The following AJM1 variants were observed in gnomAD, a reference collection of about 807,000 sequenced individuals.
The protein encoded by AJM1 is apical junction component 1 homolog.
AJM1 carries 22 observed loss-of-function variants against 43.0 expected under a neutral mutation model. The observed-to-expected ratio is 0.51, with a 90% confidence interval of 0.37 to 0.73. The LOEUF (loss-of-function observed/expected upper bound fraction) is 0.73, where lower values mean the gene tolerates loss of function less well. AJM1 is among the 30% of genes least tolerant of loss of function. The pLI is 0.00. For missense variants in AJM1, 1,305 were observed against 1,343.3 expected, an observed-to-expected ratio of 0.97 and a Z score of 0.45; for synonymous variants, 719 against 638.3, an observed-to-expected ratio of 1.13 and a Z score of -1.91.
At position 136,846,790 on chromosome 9, in the gene AJM1, G is replaced by A; in HGVS notation, c.2376G>A (p.Leu792=). 1.3e-6 allele frequency: 2 copies of A among 1,594,272 alleles called. No homozygotes were observed. The highest frequency in any genetic ancestry group is 1.7e-6 in the Non-Finnish European group (2 of 1,176,140). The change falls in exon 3 of 3, where the codon CTG becomes CTA. Residue 792 remains leucine, a synonymous_variant. Transcript: ENST00000436881. Reference sequence around the variant, plus strand: ...AGCTGGCCACACACGCGGCGCCCCTGGGCAGCTACGCGCGCGAGCTGGCGG... The same window carrying A: ...AGCTGGCCACACACGCGGCGCCCCTAGGCAGCTACGCGCGCGAGCTGGCGG... The part of the protein sequence containing the change: ...LRELATHAAP[L]GSYARELAAA...
intron 1 of AJM1, among the ~76,000 whole-genome samples, chr9:136,843,024 G>A (rs1415065885): frequency 4.9e-5 from 7 of 141,896 alleles, no homozygotes; most frequent in Admixed American, 2.8e-4. Context: ...GTGGGCGGGG[G>A]AGGCTGGGAT....
At position 136,845,618 on chromosome 9, in the gene AJM1, G is replaced by A; in HGVS notation, c.1204G>A (p.Ala402Thr). 6.3e-7 allele frequency: 1 copy of A among 1,578,968 alleles called. No homozygotes were observed. The highest frequency in any genetic ancestry group is 1.3e-5 in the African/African-American group (1 of 74,532). Residue 402 changes from alanine (A) to threonine (T), a missense_variant, in exon 3 of 3, where the codon GCG becomes ACG. Transcript: ENST00000436881. The stretch of plus-strand genomic sequence containing the variant: ...GCACCCGCGCAGCAGCCCGGCCTGG[G>A]CGGACTGGGGCCCGCGACCGTACCG... The part of the protein sequence containing the change: ...YPHPRSSPAW[A>T]DWGPRPYRTL...
Position 136,846,562 on chromosome 9 carries a change from C to A in AJM1, c.2148C>A (p.Gly716=), listed in dbSNP as rs780640453. The change falls in exon 3 of 3, where the codon GGC becomes GGA. Residue 716 remains glycine, a synonymous_variant. Coordinates refer to ENST00000436881, the MANE Select transcript of AJM1 (RefSeq NM_001080482.5). Reference sequence around the variant, plus strand: ...CGCGCTGCGTGTACGGCCGCGTGGGCAGCGTGTGCCGCCACGTACTGCAGT... The same window carrying A: ...CGCGCTGCGTGTACGGCCGCGTGGGAAGCGTGTGCCGCCACGTACTGCAGT... ...HKARCVYGRV[G]SVCRHVLQFC... The A allele has an allele frequency of 6.3e-7, 1 of 1,593,120 alleles. No individual in the cohort carries two copies. The highest frequency in any genetic ancestry group is 1.1e-5 in the South Asian group (1 of 90,764).
rs1185449127 is a variant in AJM1 at position 136,845,188 on chromosome 9, G to C, written c.774G>C (p.Leu258=). The change falls in exon 3 of 3, where the codon CTG becomes CTC. Residue 258 remains leucine (L), a synonymous_variant. Transcript: ENST00000436881. ...GGGCGTTCTACTGCGACGGGCCCCTGCCTGGGCCCCGGGACTACGCCGAGC... is the reference window on the plus strand; with the variant it reads ...GGGCGTTCTACTGCGACGGGCCCCTCCCTGGGCCCCGGGACTACGCCGAGC... The part of the protein sequence containing the change: ...DPRAFYCDGP[L]PGPRDYAERR... The C allele has an allele frequency of 1.6e-5, 25 of 1,588,426 alleles. No homozygotes were observed. In the South Asian group the frequency reaches 2.5e-4, roughly 16 times the overall value.
intron 1 of AJM1, among the ~76,000 whole-genome samples, chr9:136,843,869 G>T (rs1182813540): frequency 2.0e-5 from 3 of 152,186 alleles, no homozygotes; most frequent in Non-Finnish European, 4.4e-5. Context: ...TGCAGTGGGC[G>T]CTGTGACGGG....
At position 136,847,135 on chromosome 9, in the gene AJM1, G is replaced by A. The variant is rs1564379295; in HGVS notation, c.2721G>A (p.Arg907=). The A allele has an allele frequency of 6.3e-7, 1 of 1,594,896 alleles. No individual in the cohort carries two copies. The highest frequency in any genetic ancestry group is 8.5e-7 in the Non-Finnish European group (1 of 1,177,012). Residue 907 remains arginine (R), a synonymous_variant, in exon 3 of 3, where the codon CGG becomes CGA. Coordinates refer to ENST00000436881, the MANE Select transcript of AJM1 (RefSeq NM_001080482.5). ...VAFIHIQREL[R]LRGVFLRHEF... is the part of the protein sequence containing the mutation. Reference sequence around the variant, plus strand: ...TCATCCACATCCAGCGCGAGCTGCGGCTGCGCGGCGTCTTCCTGCGCCACG... The same window carrying A: ...TCATCCACATCCAGCGCGAGCTGCGACTGCGCGGCGTCTTCCTGCGCCACG...
rs1848800106 is a variant in AJM1, at chr9:136,847,673, C to A, written c.*328C>A. 6.3e-6 allele frequency: 2 copies of A among 317,342 alleles called. No individual in the cohort carries two copies. Among genetic ancestry groups the A allele is most frequent in the Non-Finnish European group, 1.2e-5 (2 of 172,934 alleles). 19.7% of individuals were successfully genotyped at this position (317,342 alleles called of 1,614,324 possible). A position where few individuals can be genotyped will look rare whatever the true frequency, so the allele number is the denominator to read the frequency against. On this transcript the variant is annotated 3_prime_UTR_variant, in exon 3 of 3. Coordinates refer to ENST00000436881, the MANE Select transcript of AJM1 (RefSeq NM_001080482.5). Reference sequence around the variant, plus strand: ...AGGATCCCCAGAAGAAGTCGGTCCTCGCCCTCGGTGCTCCCCGCTGGGAGG... The same window carrying A: ...AGGATCCCCAGAAGAAGTCGGTCCTAGCCCTCGGTGCTCCCCGCTGGGAGG...
rs745351620 is a variant in AJM1 at position 136,846,683 on chromosome 9, C to T, written c.2269C>T (p.Pro757Ser). 7 of 1,603,448 alleles carry T rather than the reference C, an allele frequency of 4.4e-6. No individual in the cohort carries two copies. In the African/African-American group the frequency reaches 9.4e-5, roughly 21 times the overall value. ...RGRGVLFLGF[P>S]SPGSADNFLR... ...CCGCGGCGTGCTCTTCCTGGGCTTC[C>T]CAAGTCCAGGCTCGGCCGACAACTT... is the stretch of plus-strand genomic sequence containing the variant. The change falls in exon 3 of 3, where the codon CCA (proline) becomes TCA (serine). Residue 757 changes from proline (P) to serine (S), a missense_variant. Physicochemically the swap from Pro to Ser is moderately conservative, Grantham distance 74 (BLOSUM62 -1). Coordinates refer to ENST00000436881, the MANE Select transcript of AJM1 (RefSeq NM_001080482.5).
rs538644670 is a variant in AJM1 at position 136,846,418 on chromosome 9, G to A, written c.2004G>A (p.Ala668=). ...ACGACCTGATGACCTGCTCCAATGC[G>A]CGCTGCCGGCGCACCGAGACCATGT... ...DEDDLMTCSN[A]RCRRTETMFN... Residue 668 remains alanine (A), a synonymous_variant, in exon 3 of 3, where the codon GCG becomes GCA. Transcript: ENST00000436881. The A allele has an allele frequency of 2.3e-5, 36 of 1,590,394 alleles. No homozygotes were observed. In the East Asian group the frequency reaches 6.8e-4, roughly 30 times the overall value.
Position 136,845,163 on chromosome 9 carries a change from G to A in AJM1, c.749G>A (p.Arg250Gln), listed in dbSNP as rs1463280967. The A allele has an allele frequency of 3.8e-6, 6 of 1,586,254 alleles. No individual in the cohort carries two copies. The highest frequency in any genetic ancestry group is 2.3e-5 in the East Asian group (1 of 44,306). Residue 250 changes from arginine (R) to glutamine (Q), a missense_variant, in exon 3 of 3, where the codon CGG becomes CAG. Arg to Gln is a conservative substitution (Grantham distance 43, BLOSUM62 1). Around this residue, in one of 6 missense-constraint regions of AJM1, gnomAD observed 653 missense variants for 549.1 expected, o/e 1.19. Coordinates refer to ENST00000436881, the MANE Select transcript of AJM1 (RefSeq NM_001080482.5). ...AGCGACTCATACTGTGCGGATCCCC[G>A]GGCGTTCTACTGCGACGGGCCCCTG... ...TPSDSYCADP[R>Q]AFYCDGPLPG...
Position 136,845,983 on chromosome 9 carries a change from G to T in AJM1, c.1569G>T (p.Leu523=). ...LTEKGRAGEG[L]GRNWYVTPEI... is the part of the protein sequence containing the mutation. Reference sequence around the variant, plus strand: ...AGAAGGGCCGCGCGGGCGAGGGCCTGGGCCGCAACTGGTACGTGACGCCCG... The same window carrying T: ...AGAAGGGCCGCGCGGGCGAGGGCCTTGGCCGCAACTGGTACGTGACGCCCG... Residue 523 remains leucine (L), a synonymous_variant, in exon 3 of 3, where the codon CTG becomes CTT. Transcript: ENST00000436881. 1 of 1,553,556 alleles carries T rather than the reference G, an allele frequency of 6.4e-7. No individual in the cohort carries two copies. The highest frequency in any genetic ancestry group is 1.9e-5 in the Admixed American group (1 of 51,678).
In AJM1 at chr9:136,846,598, C is replaced by T. The variant is rs768279358; in HGVS notation, c.2184C>T (p.Asp728=). 2 of 1,591,836 alleles carry T rather than the reference C, an allele frequency of 1.3e-6. No homozygotes were observed. The highest frequency in any genetic ancestry group is 1.3e-5 in the African/African-American group (1 of 74,720). ...GCCACGTACTGCAGTTTTGCCGCGA[C>T]AGCGGCCCGGTGCACCGCGCTTTCT... is the stretch of plus-strand genomic sequence containing the variant. ...VCRHVLQFCR[D]SGPVHRAFSR... Residue 728 remains aspartate, a synonymous_variant, in exon 3 of 3, where the codon GAC becomes GAT. Transcript: ENST00000436881.
At position 136,845,946 on chromosome 9, in the gene AJM1, C is replaced by T. The variant is rs1359390927; in HGVS notation, c.1532C>T (p.Thr511Met). 1.9e-6 allele frequency: 3 copies of T among 1,553,766 alleles called. No individual in the cohort carries two copies. In the Middle Eastern group the frequency reaches 5.8e-4, roughly 302 times the overall value. The change falls in exon 3 of 3, where the codon ACG becomes ATG. Residue 511 changes from threonine (T) to methionine (M), a missense_variant. Coordinates refer to ENST00000436881, the MANE Select transcript of AJM1 (RefSeq NM_001080482.5). ...RRYAALSLSETSLTEKGRAGE... is the reference protein window; with the variant it reads ...RRYAALSLSEMSLTEKGRAGE... Reference sequence around the variant, plus strand: ...TACGCCGCACTGTCCCTGTCCGAGACGTCGCTGACGGAGAAGGGCCGCGCG... The same window carrying T: ...TACGCCGCACTGTCCCTGTCCGAGATGTCGCTGACGGAGAAGGGCCGCGCG...
rs1564379553 is a variant in AJM1, at chr9:136,847,335, A to T, written c.2921A>T (p.Asp974Val). The T allele has an allele frequency of 6.6e-7, 1 of 1,518,042 alleles. No individual in the cohort carries two copies. Among genetic ancestry groups the T allele is most frequent in the Non-Finnish European group, 8.8e-7 (1 of 1,135,932 alleles). The allele number at this position is 1,518,042 out of a possible 1,614,324, so 94.0% of individuals were successfully genotyped here. The change falls in exon 3 of 3, where the codon GAC (aspartate) becomes GTC (valine). Residue 974 changes from aspartate to valine, a missense_variant. Physicochemically the swap from Asp to Val is radical, Grantham distance 152. Around this residue, in one of 6 missense-constraint regions of AJM1, gnomAD observed 116 missense variants for 113.4 expected, o/e 1.02. Coordinates refer to ENST00000436881, the MANE Select transcript of AJM1 (RefSeq NM_001080482.5). ...GTGGCCAGCGCCAACCTGCTGGACGACATCATGTGAGGCGCCGGGCCCACC... is the reference window on the plus strand; with the variant it reads ...GTGGCCAGCGCCAACCTGCTGGACGTCATCATGTGAGGCGCCGGGCCCACC... ...DWVASANLLD[D>V]IM
Position 136,846,015 on chromosome 9 carries a change from C to G in AJM1, c.1601C>G (p.Thr534Ser), listed in dbSNP as rs778869237. 1.3e-6 allele frequency: 2 copies of G among 1,549,424 alleles called. No homozygotes were observed. The highest frequency in any genetic ancestry group is 1.2e-5 in the South Asian group (1 of 84,174). Residue 534 changes from threonine (T) to serine (S), a missense_variant, in exon 3 of 3, where the codon ACC becomes AGC. Transcript: ENST00000436881. ...GRNWYVTPEITITDNDLRATE... is the reference protein window; with the variant it reads ...GRNWYVTPEISITDNDLRATE... ...AACTGGTACGTGACGCCCGAGATCA[C>G]CATCACTGACAATGACCTGCGCGCC...
Position 136,844,793 on chromosome 9 carries a change from G to C in AJM1, c.379G>C (p.Glu127Gln). Residue 127 changes from glutamate (E) to glutamine (Q), a missense_variant, in exon 3 of 3, where the codon GAG becomes CAG. Glu to Gln is a conservative substitution (Grantham distance 29). Transcript: ENST00000436881. ...GREAQRAARA[E>Q]ASPRREPAYP... ...GGAGGCCCAGCGTGCGGCGCGGGCC[G>C]AGGCATCGCCGCGCCGGGAGCCCGC... The C allele has an allele frequency of 4.0e-6, 1 of 249,656 alleles. No homozygotes were observed. The highest frequency in any genetic ancestry group is 6.6e-6 in the Non-Finnish European group (1 of 151,530). The allele number at this position is 249,656 out of a possible 1,614,324, so 15.5% of individuals were successfully genotyped here.
chr9:136,845,461 A>T lies in AJM1; in HGVS notation c.1047A>T (p.Pro349=), dbSNP rs746429035. 19 of 1,609,038 alleles carry T rather than the reference A, an allele frequency of 1.2e-5. No homozygotes were observed. In the South Asian group the frequency reaches 2.0e-4, roughly 17 times the overall value. The change falls in exon 3 of 3, where the codon CCA becomes CCT. Residue 349 remains proline, a synonymous_variant. Coordinates refer to ENST00000436881, the MANE Select transcript of AJM1 (RefSeq NM_001080482.5). ...PPSRSYYGEA[P]RAYGLPYGPR... ...CCCGCTCCTACTATGGGGAGGCTCCACGAGCCTACGGCCTGCCCTACGGGC... is the reference window on the plus strand; with the variant it reads ...CCCGCTCCTACTATGGGGAGGCTCCTCGAGCCTACGGCCTGCCCTACGGGC...
intron 1 of AJM1, among the ~76,000 whole-genome samples, 139 bp from the exon 2 acceptor site, chr9:136,844,057 G>T (rs978427868): frequency 3.3e-5 from 5 of 152,198 alleles, no homozygotes; most frequent in African/African-American, 1.2e-4. Context: ...GGGAGGGGAG[G>T]CCCTGGAGCT....
In AJM1 at chr9:136,846,261, C is replaced by G. The variant is rs1006834034; in HGVS notation, c.1847C>G (p.Ser616Trp). 4.5e-6 allele frequency: 6 copies of G among 1,321,688 alleles called. No homozygotes were observed. In the African/African-American group the frequency reaches 7.7e-5, roughly 17 times the overall value. The allele number at this position is 1,321,688 out of a possible 1,614,324, so 81.9% of individuals were successfully genotyped here. Residue 616 changes from serine (S) to tryptophan (W), a missense_variant, in exon 3 of 3, where the codon TCG becomes TGG. Around this residue, in one of 6 missense-constraint regions of AJM1, gnomAD observed 391 missense variants for 507.5 expected, o/e 0.77. Coordinates refer to ENST00000436881, the MANE Select transcript of AJM1 (RefSeq NM_001080482.5). Reference protein sequence around the residue: ...LGPQLRRLLDSRPAGSGAPAL... With the variant: ...LGPQLRRLLDWRPAGSGAPAL... ...CCCCAACTGCGCCGACTGCTGGACT[C>G]GCGGCCCGCGGGCTCCGGGGCCCCC...
Sources: gnomAD v4.1 joint callset for allele counts (sites outside exome capture counted in the v4.1 genomes callset) on GRCh38, gnomAD v4.1.1 for gene constraint, gnomAD v4.1.1 regional missense constraint, MANE v1.5 for transcripts, NCBI Gene and HGNC (gene_info 2026-07-23, HGNC 2026-07-21) for gene names.